FHIP1A: variants seen among roughly 807,000 people sequenced by gnomAD.
FHIP1A encodes the protein FHF complex subunit HOOK interacting protein 1A, also known as FHF complex subunit HOOK-interacting protein 1A.
A neutral mutation model predicts 88.6 loss-of-function variants in FHIP1A; 61 were observed. That is an observed-to-expected ratio of 0.69 (90% CI 0.56 to 0.85). FHIP1A has a LOEUF of 0.85. Ranked by LOEUF, FHIP1A falls within the 40% of genes least tolerant of loss-of-function variation. The pLI, the probability that FHIP1A is intolerant of heterozygous loss-of-function variation, is 0.00. For missense variants in FHIP1A, 1,154 were observed against 1,273.5 expected (o/e 0.91, Z 1.43); for synonymous variants, 478 against 496.0 (o/e 0.96, Z 0.48).
chr4:151,645,468 C>T (rs923505500), intron 9 of FHIP1A, among the ~76,000 whole-genome samples: 4 of 151,958 alleles, frequency 2.6e-5, no homozygotes, highest in African/African-American at 9.7e-5. Context: ...TGAATGTTTA[C>T]AGGCCTGAAG....
At chr4:151,547,153 T>G (rs144848234) in intron 3 of FHIP1A, among the ~76,000 whole-genome samples, 1 of 152,304 alleles carries the variant, frequency 6.6e-6, no homozygotes, top group Non-Finnish European at 1.5e-5. Flanking sequence ...CCTGAAGAGT[T>G]GTCATAAAGG....
At chr4:151,450,518 T>A (rs916119391) in intron 1 of FHIP1A, among the ~76,000 whole-genome samples, 1 of 152,188 alleles carries the variant, frequency 6.6e-6, no homozygotes, top group South Asian at 2.1e-4. Flanking sequence ...TAAACCATGC[T>A]GCAGTGAACA....
intron 7 of FHIP1A, among the ~76,000 whole-genome samples, chr4:151,600,912 C>G (rs1400579064): frequency 1.3e-5 from 2 of 152,120 alleles, no homozygotes; most frequent in African/African-American, 4.8e-5. Context: ...ATCCCTTATG[C>G]CATATTTCAT....
chr4:151,542,766 G>A (rs577683255), intron 3 of FHIP1A, among the ~76,000 whole-genome samples: 8 of 152,182 alleles, frequency 5.3e-5, no homozygotes, highest in Admixed American at 6.5e-5. Context: ...CTTGTTTTCC[G>A]CTCCCTACAG....
At chr4:151,527,115 A>G (rs1356159367) in intron 3 of FHIP1A, among the ~76,000 whole-genome samples, 1 of 151,796 alleles carries the variant, frequency 6.6e-6, no homozygotes, top group Non-Finnish European at 1.5e-5. Flanking sequence ...CACTTCCCAG[A>G]CGGGGTGGCG....
At chr4:151,659,205 A>G (rs886448380) in intron 13 of FHIP1A, among the ~76,000 whole-genome samples, 1 of 152,208 alleles carries the variant, frequency 6.6e-6, no homozygotes, top group African/African-American at 2.4e-5. Context: ...CTCTCTGGAT[A>G]TAACATTTTT....
chr4:151,610,004 G>A (rs762596287), intron 7 of FHIP1A, among the ~76,000 whole-genome samples: 1 of 152,236 alleles, frequency 6.6e-6, no homozygotes, highest in Non-Finnish European at 1.5e-5. Context: ...CCTAGATGTA[G>A]TGGTATCTAG....
At chr4:151,456,549 T>G (rs1728974036) in intron 2 of FHIP1A, among the ~76,000 whole-genome samples, 1 of 152,184 alleles carries the variant, frequency 6.6e-6, no homozygotes, top group Admixed American at 6.6e-5. Context: ...ACTTTGGAAA[T>G]GTACCCTGAT....
At chr4:151,486,015 C>G (rs1039661310) in intron 3 of FHIP1A, among the ~76,000 whole-genome samples, 3 of 152,176 alleles carry the variant, frequency 2.0e-5, no homozygotes, top group African/African-American at 7.2e-5. Flanking sequence ...GAAACTGTTC[C>G]ATCTGAGATC....
At chr4:151,626,683 G>A (rs763734835) in intron 7 of FHIP1A, among the ~76,000 whole-genome samples, 1 of 152,160 alleles carries the variant, frequency 6.6e-6, no homozygotes, top group African/African-American at 2.4e-5. Flanking sequence ...GTATTTCTAT[G>A]TAAATTCGTA....
chr4:151,542,509 T>C (rs144888094), intron 3 of FHIP1A, among the ~76,000 whole-genome samples: 1 of 151,872 alleles, frequency 6.6e-6, no homozygotes, highest in East Asian at 1.9e-4. Context: ...CCTGCAGTAT[T>C]CTCTCTCTCT....
chr4:151,519,398 AG>A (rs1731374178), intron 3 of FHIP1A, among the ~76,000 whole-genome samples: 2 of 152,090 alleles, frequency 1.3e-5, no homozygotes, highest in South Asian at 4.1e-4. Context: ...AGATTCATTC[AG>A]GTTGTTGTGT....
intron 3 of FHIP1A, among the ~76,000 whole-genome samples, chr4:151,484,603 A>G (rs1469692751): frequency 6.6e-6 from 1 of 152,248 alleles, no homozygotes; most frequent in African/African-American, 2.4e-5. Context: ...GGACCACCCA[A>G]GTGGAAAATG....
chr4:151,546,752 T>A (rs1337602423), intron 3 of FHIP1A, among the ~76,000 whole-genome samples: 1 of 152,184 alleles, frequency 6.6e-6, no homozygotes, highest in African/African-American at 2.4e-5. Flanking sequence ...GCTTAACTGT[T>A]AATGTGGACA....
chr4:151,621,331 ATTTG>A (rs1229842326), intron 7 of FHIP1A, among the ~76,000 whole-genome samples: 1 of 151,978 alleles, frequency 6.6e-6, no homozygotes, highest in Non-Finnish European at 1.5e-5. Context: ...CAATTATTGA[ATTTG>A]TTTGGGCAGA....
chr4:151,618,645 C>T (rs998366742), intron 7 of FHIP1A, among the ~76,000 whole-genome samples: 1 of 152,176 alleles, frequency 6.6e-6, no homozygotes, highest in Non-Finnish European at 1.5e-5. Flanking sequence ...CACATCTCAT[C>T]GTTTACCTTC....
In FHIP1A at chr4:151,566,302, G is replaced by A; in HGVS notation, c.43G>A (p.Val15Met). The stretch of plus-strand genomic sequence containing the variant: ...GACAGAAAGCAAACTCCAGCAGGCT[G>A]TGAGCCTACAGGGAGTTGACCCAGA... ...VSTESKLQQA[V>M]SLQGVDPETC... is the part of the protein sequence containing the mutation. Residue 15 changes from valine (V) to methionine (M), a missense_variant, in exon 4 of 14, where the codon GTG (valine) becomes ATG (methionine). Transcript: ENST00000435205. 1 of 1,550,810 alleles carries A rather than the reference G, an allele frequency of 6.4e-7. No homozygotes were observed.
At chr4:151,444,967 C>T (rs891665224) in intron 1 of FHIP1A, among the ~76,000 whole-genome samples, 2 of 152,166 alleles carry the variant, frequency 1.3e-5, no homozygotes, top group African/African-American at 4.8e-5. Context: ...AATTCTGACA[C>T]TAACTGCCTG....
chr4:151,541,826 T>TAGATGTTCATGCTCCATG (rs1732303238), intron 3 of FHIP1A, among the ~76,000 whole-genome samples: 1 of 152,242 alleles, frequency 6.6e-6, no homozygotes, highest in Admixed American at 6.5e-5. Flanking sequence ...CTTTACACAA[T>TAGATGTTCATGCTCCATG]AGATGTTCAT....
Sources: allele counts gnomAD v4.1 joint callset (sites outside exome capture counted in the v4.1 genomes callset), GRCh38; gene constraint gnomAD v4.1.1; transcripts MANE v1.5; gene names NCBI Gene and HGNC (gene_info 2026-07-23, HGNC 2026-07-21).